Variants in SYNE1 observed in about 807,000 individuals in gnomAD.
The protein encoded by SYNE1 is spectrin repeat containing nuclear envelope protein 1.
SYNE1 carries 616 observed loss-of-function variants against 1,111.0 expected under a neutral mutation model. The observed-to-expected ratio is 0.55, with a 90% confidence interval of 0.52 to 0.59. SYNE1 has a LOEUF of 0.59. Ranked by LOEUF, SYNE1 falls within the 20% of genes least tolerant of loss-of-function variation. The pLI, the probability that SYNE1 is intolerant of heterozygous loss-of-function variation, is 0.00. For synonymous variants in SYNE1, 3,855 were observed against 3,825.8 expected (o/e 1.01, Z -0.28); for missense variants, 10,006 against 10,417.0 (o/e 0.96, Z 1.72).
In SYNE1 at chr6:152,189,286, A is replaced by C. The variant is rs1156676145; in HGVS notation, c.23267T>G (p.Leu7756Arg). ...TAGTTCTTCCCACTGCCTTTGCAGAAGCTCTACGCGTTCATTAAGAATGGA... is the reference window on the plus strand; with the variant it reads ...TAGTTCTTCCCACTGCCTTTGCAGACGCTCTACGCGTTCATTAAGAATGGA... ...DISILNERVE[L>R]LQRQWEELCH... The change falls in exon 128 of 146, where the codon CTT becomes CGT. Residue 7756 changes from leucine to arginine, a missense_variant. Physicochemically the swap from Leu to Arg is moderately radical, Grantham distance 102. This residue lies in a region of SYNE1 where 2,182 missense variants were observed against 2,287.8 expected (regional missense o/e 0.95). Transcript: ENST00000367255. 2 of 1,613,926 alleles carry C rather than the reference A, an allele frequency of 1.2e-6. No homozygotes were observed. Among genetic ancestry groups the C allele is most frequent in the Non-Finnish European group, 1.7e-6 (2 of 1,179,996 alleles).
intron 127 of SYNE1, among the ~76,000 whole-genome samples, chr6:152,195,111 G>C (rs1269971292): frequency 6.6e-6 from 1 of 152,046 alleles, no homozygotes; most frequent in Non-Finnish European, 1.5e-5. Flanking sequence ...AGTAGAGACA[G>C]GGTTTCTCCA....
chr6:152,509,889 A>T (rs1411960218), intron 8 of SYNE1, among the ~76,000 whole-genome samples: 1 of 152,224 alleles, frequency 6.6e-6, no homozygotes, highest in Non-Finnish European at 1.5e-5. Flanking sequence ...TAGGAGCAGA[A>T]ACTCTAAACA....
At chr6:152,365,155 G>C (rs2097046981) in intron 62 of SYNE1, 136 bp from the exon 63 acceptor site, 1 of 1,101,750 alleles carries the variant, frequency 9.1e-7, no homozygotes, top group Admixed American at 2.1e-5. Context: ...GGCTGAGACA[G>C]AGGGTGGGGA....
chr6:152,298,152 A>G (rs1051012746), intron 93 of SYNE1, among the ~76,000 whole-genome samples: 2 of 152,326 alleles, frequency 1.3e-5, no homozygotes, highest in African/African-American at 2.4e-5. Flanking sequence ...TTCACGATTC[A>G]TGTCACATTT....
chr6:152,278,370 CT>C (rs2093786144), intron 97 of SYNE1, 90 bp from the exon 98 acceptor site: 13 of 1,479,940 alleles, frequency 8.8e-6, no homozygotes, highest in Non-Finnish European at 1.0e-5. Flanking sequence ...CCTTTGGAGT[CT>C]TTTACGAAAC....
chr6:152,127,642 C>T (rs2152617433), intron 145 of SYNE1: 1 of 152,268 alleles, frequency 6.6e-6, no homozygotes, highest in African/African-American at 2.4e-5. Flanking sequence ...ACAGAGAAAC[C>T]TATCGGAGCC....
At chr6:152,540,783 G>A (rs928766127) in intron 3 of SYNE1, among the ~76,000 whole-genome samples, 4 of 152,232 alleles carry the variant, frequency 2.6e-5, no homozygotes, top group African/African-American at 9.6e-5. Flanking sequence ...TCAATGGCAA[G>A]GAACTAGAGG....
chr6:152,471,567 G>T (rs1401651902), intron 16 of SYNE1, 30 bp downstream of exon 16: 1 of 1,609,486 alleles, frequency 6.2e-7, no homozygotes, highest in Admixed American at 1.7e-5. Flanking sequence ...TGGCTCATAG[G>T]AATTCTCTGT....
intron 128 of SYNE1, 110 bp downstream of exon 128, chr6:152,189,142 G>T: frequency 8.9e-7 from 1 of 1,119,662 alleles, no homozygotes; most frequent in East Asian, 2.4e-5. Flanking sequence ...TCCTTTGTCC[G>T]TACTAAGAAT....
intron 100 of SYNE1, among the ~76,000 whole-genome samples, chr6:152,265,161 G>A (rs1008613249): frequency 2.1e-4 from 28 of 133,938 alleles, no homozygotes; most frequent in South Asian, 2.4e-4. Flanking sequence ...AGCTGAGATC[G>A]CATCACTGCA....
Position 152,535,275 on chromosome 6 carries a change from A to G in SYNE1, c.129+4685T>C, listed in dbSNP as rs114591216. Among the ~76,000 whole-genome samples, 640 of 152,342 alleles carry G rather than the reference A, an allele frequency of 4.2e-3. 6 individuals carry two copies. The highest frequency in any genetic ancestry group is 0.014 in the African/African-American group (568 of 41,586). ...AATTTCTCATTTTAAGCCACCCAGT[A>G]TGTGGTACTTTGTTACGGCAATCCC... On this transcript the variant is annotated intron_variant, in intron 4 of 145. Transcript: ENST00000367255.
At chr6:152,374,043 CA>C (rs1201642184) in intron 58 of SYNE1, among the ~76,000 whole-genome samples, 1 of 152,152 alleles carries the variant, frequency 6.6e-6, no homozygotes, top group African/African-American at 2.4e-5. Flanking sequence ...GAATCTTATT[CA>C]AATAAATGCT....
At chr6:152,568,970 A>G (rs1304222066) in intron 3 of SYNE1, among the ~76,000 whole-genome samples, 1 of 152,212 alleles carries the variant, frequency 6.6e-6, no homozygotes, top group East Asian at 1.9e-4. Flanking sequence ...TTGAGCTGTA[A>G]TAAGTTGCCA....
In SYNE1 at chr6:152,471,642, C is replaced by T. The variant is rs2098806352; in HGVS notation, c.1587G>A (p.Lys529=). The part of the protein sequence containing the change: ...AESKLKSWII[K]YGRRESVEQL... Reference sequence around the variant, plus strand: ...GCTCCACTGACTCTCTCCTCCCGTACTTAATGATCCAAGACTTCAGCTTTG... The same window carrying T: ...GCTCCACTGACTCTCTCCTCCCGTATTTAATGATCCAAGACTTCAGCTTTG... Residue 529 remains lysine (K), a synonymous_variant, in exon 16 of 146, where the codon AAG becomes AAA. Coordinates refer to ENST00000367255, the MANE Select transcript of SYNE1 (RefSeq NM_182961.4). 2 of 1,613,890 alleles carry T rather than the reference C, an allele frequency of 1.2e-6. No individual in the cohort carries two copies. The highest frequency in any genetic ancestry group is 1.1e-5 in the South Asian group (1 of 91,082).
chr6:152,555,240 G>A (rs557678321), intron 3 of SYNE1, among the ~76,000 whole-genome samples: 79 of 152,220 alleles, frequency 5.2e-4, no homozygotes, highest in Non-Finnish European at 8.5e-4. Flanking sequence ...TTCTCAATCC[G>A]TTCCCCCAGT....
chr6:152,225,303 G>GCACACA (rs71268493), intron 116 of SYNE1, among the ~76,000 whole-genome samples: 9 of 109,702 alleles, frequency 8.2e-5, no homozygotes, highest in Non-Finnish European at 1.6e-4. Context: ...ACACACACAC[G>GCACACA]CACACACACA....
chr6:152,408,710 T>C (rs529340215), intron 44 of SYNE1, among the ~76,000 whole-genome samples: 1 of 152,264 alleles, frequency 6.6e-6, no homozygotes, highest in South Asian at 2.1e-4. Flanking sequence ...TCCCAGCACT[T>C]TGGGAGGCCA....
chr6:152,541,473 G>A (rs1298739101), intron 3 of SYNE1, among the ~76,000 whole-genome samples: 1 of 152,110 alleles, frequency 6.6e-6, no homozygotes, highest in Non-Finnish European at 1.5e-5. Flanking sequence ...AATTGGCCAG[G>A]CGTGGCGGCT....
chr6:152,432,008 C>A (rs758675108), intron 34 of SYNE1, among the ~76,000 whole-genome samples: 1 of 151,982 alleles, frequency 6.6e-6, no homozygotes, highest in Non-Finnish European at 1.5e-5. Context: ...AGTTAAGAAC[C>A]GAGCTCTTAG....
Sources: allele counts gnomAD v4.1 joint callset (sites outside exome capture counted in the v4.1 genomes callset), GRCh38; gene constraint gnomAD v4.1.1; regional missense constraint gnomAD v4.1.1; transcripts MANE v1.5; gene names NCBI Gene and HGNC (gene_info 2026-07-23, HGNC 2026-07-21).